ARHGAP20: variants seen among roughly 807,000 people sequenced by gnomAD.
ARHGAP20 encodes Rho GTPase activating protein 20.
In ARHGAP20, 34 loss-of-function variants were observed where a neutral mutation model predicts 73.7. The ratio of observed to expected loss-of-function variants is 0.46; its 90% confidence interval spans 0.35 to 0.61. ARHGAP20 has a LOEUF of 0.61. Ranked by LOEUF, ARHGAP20 falls within the 20% of genes least tolerant of loss-of-function variation. The pLI is 0.00. For missense variants in ARHGAP20, 1,314 were observed against 1,420.9 expected (o/e 0.92, Z 1.21); for synonymous variants, 523 against 518.2 (o/e 1.01, Z -0.13).
chr11:110,687,340 G>A (rs1018631434), intron 2 of ARHGAP20, among the ~76,000 whole-genome samples: 2 of 151,924 alleles, frequency 1.3e-5, no homozygotes, highest in Non-Finnish European at 2.9e-5. Flanking sequence ...GTGCCACTAT[G>A]TCCAGCCAAA....
At chr11:110,636,581 T>C (rs1401668757) in intron 2 of ARHGAP20, among the ~76,000 whole-genome samples, 1 of 152,094 alleles carries the variant, frequency 6.6e-6, no homozygotes, top group African/African-American at 2.4e-5. Flanking sequence ...TTTCTTTTTC[T>C]GTGTGCATCT....
intron 1 of ARHGAP20, among the ~76,000 whole-genome samples, chr11:110,710,335 G>A (rs1950623149): frequency 6.6e-6 from 1 of 151,880 alleles, no homozygotes; most frequent in African/African-American, 2.4e-5. Context: ...TGTGGGAAAA[G>A]AGCGAAGCAA....
chr11:110,645,851 T>A (rs1418469824), intron 2 of ARHGAP20, among the ~76,000 whole-genome samples: 1 of 152,126 alleles, frequency 6.6e-6, no homozygotes, highest in Non-Finnish European at 1.5e-5. Flanking sequence ...TTATCCTAAG[T>A]GAACTAACAC....
intron 1 of ARHGAP20, among the ~76,000 whole-genome samples, chr11:110,696,373 G>A (rs888538102): frequency 4.0e-5 from 6 of 151,558 alleles, no homozygotes; most frequent in Non-Finnish European, 7.4e-5. Flanking sequence ...CTAAACCACT[G>A]GGCTCCAGCC....
At chr11:110,581,383 A>G (rs1257765015) in intron 14 of ARHGAP20, among the ~76,000 whole-genome samples, 158 bp from the exon 15 acceptor site, 1 of 152,224 alleles carries the variant, frequency 6.6e-6, no homozygotes, top group African/African-American at 2.4e-5. Context: ...AAGAATAAAA[A>G]TAAAATTGCT....
At chr11:110,659,698 T>A (rs1209437845) in intron 2 of ARHGAP20, among the ~76,000 whole-genome samples, 1 of 152,104 alleles carries the variant, frequency 6.6e-6, no homozygotes, top group Non-Finnish European at 1.5e-5. Flanking sequence ...ATGTGGCACA[T>A]ATACACCATG....
intron 2 of ARHGAP20, among the ~76,000 whole-genome samples, chr11:110,660,787 T>C (rs1190055372): frequency 6.6e-6 from 1 of 152,074 alleles, no homozygotes; most frequent in African/African-American, 2.4e-5. Context: ...ATGTTGGTCT[T>C]TTTTTTTCAT....
chr11:110,689,949 G>A (rs139058664), intron 2 of ARHGAP20, among the ~76,000 whole-genome samples: 280 of 146,424 alleles, frequency 1.9e-3, no homozygotes, highest in African/African-American at 6.7e-3. Flanking sequence ...ATAAGCTTTC[G>A]CTCCTGCTCT....
At chr11:110,645,570 C>G (rs1490173962) in intron 2 of ARHGAP20, among the ~76,000 whole-genome samples, 2 of 152,112 alleles carry the variant, frequency 1.3e-5, no homozygotes, top group South Asian at 2.1e-4. Flanking sequence ...AGAGATTTCT[C>G]AAGAACTAAG....
chr11:110,639,247 C>A (rs56056935), intron 2 of ARHGAP20, among the ~76,000 whole-genome samples: 2 of 146,082 alleles, frequency 1.4e-5, no homozygotes, highest in Non-Finnish European at 3.0e-5. Context: ...TACCCCCCCC[C>A]CACAAGAGTT....
intron 1 of ARHGAP20, among the ~76,000 whole-genome samples, chr11:110,707,734 A>C (rs1040798464): frequency 6.6e-6 from 1 of 152,172 alleles, no homozygotes; most frequent in Non-Finnish European, 1.5e-5. Context: ...AAGAGAGTTA[A>C]GGGACACTTA....
chr11:110,674,417 A>G (rs911942455), intron 2 of ARHGAP20, among the ~76,000 whole-genome samples: 1 of 152,138 alleles, frequency 6.6e-6, no homozygotes, highest in African/African-American at 2.4e-5. Flanking sequence ...AAATGCTCCA[A>G]AATTGGAAAC....
chr11:110,632,234 G>C (rs577401064), intron 2 of ARHGAP20, among the ~76,000 whole-genome samples: 11 of 152,206 alleles, frequency 7.2e-5, no homozygotes, highest in South Asian at 2.1e-4. Context: ...GTAGGTATAA[G>C]TTTAATTTTA....
intron 2 of ARHGAP20, among the ~76,000 whole-genome samples, chr11:110,641,888 A>G (rs1949085221): frequency 6.6e-6 from 1 of 152,002 alleles, no homozygotes; most frequent in Admixed American, 6.6e-5. Flanking sequence ...TCGTTTGGCT[A>G]CTCATTTTGA....
chr11:110,650,145 C>T (rs918100961), intron 2 of ARHGAP20, among the ~76,000 whole-genome samples: 1 of 152,130 alleles, frequency 6.6e-6, no homozygotes, highest in African/African-American at 2.4e-5. Context: ...TTTGTGTTTT[C>T]TACTTATTTT....
At chr11:110,621,871 T>C (rs1948636672) in intron 4 of ARHGAP20, among the ~76,000 whole-genome samples, 1 of 152,240 alleles carries the variant, frequency 6.6e-6, no homozygotes, top group Non-Finnish European at 1.5e-5. Flanking sequence ...TGGAACAGTG[T>C]TGATATTTTT....
chr11:110,633,404 C>T (rs1182519282), intron 2 of ARHGAP20, among the ~76,000 whole-genome samples: 1 of 152,200 alleles, frequency 6.6e-6, no homozygotes, highest in Non-Finnish European at 1.5e-5. Flanking sequence ...GCTATAACCA[C>T]ACTGTCTTAC....
intron 8 of ARHGAP20, among the ~76,000 whole-genome samples, chr11:110,607,206 A>G (rs1010231295): frequency 1.3e-5 from 2 of 152,234 alleles, no homozygotes; most frequent in African/African-American, 2.4e-5. Context: ...TATGTCAAGT[A>G]TCACTATTAT....
At chr11:110,640,288 T>C (rs1000654543) in intron 2 of ARHGAP20, among the ~76,000 whole-genome samples, 1 of 151,968 alleles carries the variant, frequency 6.6e-6, no homozygotes, top group African/African-American at 2.4e-5. Flanking sequence ...GTACCAATGA[T>C]CATAGCATAG....
Sources: allele counts gnomAD v4.1 joint callset (sites outside exome capture counted in the v4.1 genomes callset), GRCh38; gene constraint gnomAD v4.1.1; transcripts MANE v1.5; gene names NCBI Gene and HGNC (gene_info 2026-07-23, HGNC 2026-07-21).